The following RSPH10B variants were observed in gnomAD, a reference collection of about 807,000 sequenced individuals.
RSPH10B encodes radial spoke head 10 homolog B (Chlamydomonas).
A neutral mutation model predicts 52.5 loss-of-function variants in RSPH10B; 7 were observed. The observed-to-expected ratio is 0.13, with a 90% confidence interval of 0.08 to 0.25. The LOEUF (loss-of-function observed/expected upper bound fraction) is 0.25. Ranked by LOEUF, RSPH10B falls within the 10% of genes least tolerant of loss-of-function variation. The pLI is 1.00. For synonymous variants in RSPH10B, 28 were observed against 193.2 expected (o/e 0.14, Z 7.09); for missense variants, 89 against 542.5 (o/e 0.16, Z 8.30).
At chr7:5,943,635 C>A (rs893452282) in intron 12 of RSPH10B, among the ~76,000 whole-genome samples, 163 bp from the exon 15 acceptor site, 2 of 148,612 alleles carry the variant, frequency 1.3e-5, no homozygotes, top group Admixed American at 1.4e-4. Flanking sequence ...CCTCCGCCCC[C>A]CAGGCTCAAG....
At chr7:5,928,568 A>T (rs1779649082) in intron 17 of RSPH10B, among the ~76,000 whole-genome samples, 174 bp from the exon 20 acceptor site, 1 of 151,046 alleles carries the variant, frequency 6.6e-6, no homozygotes. Context: ...GCAGGGGCTC[A>T]GCAGACCCTG....
intron 13 of RSPH10B, among the ~76,000 whole-genome samples, chr7:5,941,560 T>C (rs148678938): frequency 1.5e-4 from 22 of 149,312 alleles, no homozygotes; most frequent in African/African-American, 4.4e-4. Context: ...CTTGCTAACA[T>C]AGTGAAACCC....
chr7:5,954,047 G>A (rs1780663636), intron 7 of RSPH10B, among the ~76,000 whole-genome samples: 1 of 64,470 alleles, frequency 1.6e-5, no homozygotes, highest in Non-Finnish European at 2.8e-5. Context: ...GTTTCACCAT[G>A]TTAGCCAGGA....
At chr7:5,956,619 T>G (rs1780735620) in intron 6 of RSPH10B, among the ~76,000 whole-genome samples, 1 of 149,560 alleles carries the variant, frequency 6.7e-6, no homozygotes, top group Admixed American at 6.8e-5. Context: ...TTACCCAGGC[T>G]AGAGTATGGC....
intron 3 of RSPH10B, among the ~76,000 whole-genome samples, chr7:5,963,902 C>CA (rs529339716): frequency 0.33 from 27,201 of 81,334 alleles, 1,367 homozygotes; most frequent in Middle Eastern, 0.42. Flanking sequence ...CCTGTCTCTA[C>CA]AAAAAAAAAA....
At chr7:5,941,608 G>A (rs150717320) in intron 13 of RSPH10B, among the ~76,000 whole-genome samples, 18,574 of 145,038 alleles carry the variant, frequency 0.13, 202 homozygotes, top group Admixed American at 0.2. Context: ...ACTTGGCATG[G>A]TCATGCACGC....
chr7:5,939,978 C>T (rs1439692966), intron 13 of RSPH10B, among the ~76,000 whole-genome samples: 25 of 110,812 alleles, frequency 2.3e-4, no homozygotes, highest in Non-Finnish European at 1.2e-4. Flanking sequence ...AGGCGGCTCA[C>T]GAGGTCAAGA....
At chr7:5,943,005 A>G (rs1329031316) in intron 13 of RSPH10B, among the ~76,000 whole-genome samples, 1 of 148,108 alleles carries the variant, frequency 6.8e-6, no homozygotes, top group Non-Finnish European at 1.5e-5. Flanking sequence ...ACCTCAGGTG[A>G]TCCGCCCACC....
intron 13 of RSPH10B, among the ~76,000 whole-genome samples, chr7:5,940,283 G>A (rs1435991984): frequency 3.3e-5 from 1 of 30,014 alleles, no homozygotes; most frequent in Non-Finnish European, 7.9e-5. Flanking sequence ...CACTCATACC[G>A]ACCAGCCTGG....
Position 5,939,974 on chromosome 7 carries a change from C to T in RSPH10B, c.1759-1145G>A, listed in dbSNP as rs1476310914. On this transcript the variant is annotated intron_variant, in intron 13 of 18. Coordinates refer to ENST00000337579, the Ensembl canonical transcript of RSPH10B. ...CACTTTGGGAGGCCGAGGCAGGCGGCTCACGAGGTCAAGAGATCCAGACCA... is the reference window on the plus strand; with the variant it reads ...CACTTTGGGAGGCCGAGGCAGGCGGTTCACGAGGTCAAGAGATCCAGACCA... Among the ~76,000 whole-genome samples the T allele has an allele frequency of 3.7e-5, 4 of 109,508 alleles. No homozygotes were observed. The East Asian group carries it at 8.7e-4, about 24-fold the overall frequency. The allele number at this position is 109,508 out of a possible 152,430, so 71.8% of individuals were successfully genotyped here. A position where few individuals can be genotyped will look rare whatever the true frequency, so the allele number is the denominator to read the frequency against.
At chr7:5,947,958 G>A (rs1447117885) in intron 10 of RSPH10B, among the ~76,000 whole-genome samples, 4 of 53,328 alleles carry the variant, frequency 7.5e-5, no homozygotes, top group Non-Finnish European at 1.2e-4. Context: ...TGCAACCTCC[G>A]CCTCCTGGGT....
rs144240667 is a variant in RSPH10B at position 5,958,992 on chromosome 7, C to T, written c.659+1G>A. 1.2e-4 allele frequency: 161 copies of T among 1,326,832 alleles called. 42 individuals carry two copies. The highest frequency in any genetic ancestry group is 1.6e-4 in the Non-Finnish European group (152 of 936,448). The allele number at this position is 1,326,832 out of a possible 1,614,324, so 82.2% of individuals were successfully genotyped here. ...CCAAGCGCGGCGGTGGTCATACCTA[C>T]CATCTTATTCCCCAGCCCTTTTTGA... On this transcript the variant is annotated splice_donor_variant, in intron 5 of 18. Transcript: ENST00000337579. LOFTEE classifies it high-confidence loss of function.
intron 17 of RSPH10B, among the ~76,000 whole-genome samples, chr7:5,928,841 G>C (rs796106537): frequency 3.3e-5 from 5 of 149,458 alleles, no homozygotes; most frequent in African/African-American, 1.2e-4. Context: ...GGCCAGGCTG[G>C]TCTCGAACTC....
rs1181753749 is a variant in RSPH10B, at chr7:5,960,462, G to A, written c.573+229C>T. 9.0e-5 allele frequency among the ~76,000 whole-genome samples: 5 copies of A among 55,354 alleles called. 1 individual carries two copies. The highest frequency in any genetic ancestry group is 9.8e-4 in the South Asian group (2 of 2,046). The allele number at this position is 55,354 out of a possible 152,430, so 36.3% of individuals were successfully genotyped here. ...GGTTAATTTATGTGATGTGAATTTC[G>A]CCTCAATAAACAAAAAGTGAATATG... On this transcript the variant is annotated intron_variant, in intron 4 of 18. Coordinates refer to ENST00000337579, the Ensembl canonical transcript of RSPH10B.
At chr7:5,929,289 C>T (rs1779693934) in intron 17 of RSPH10B, among the ~76,000 whole-genome samples, 1 of 140,780 alleles carries the variant, frequency 7.1e-6, no homozygotes, top group Non-Finnish European at 1.5e-5. Context: ...AAATGATCCT[C>T]CCACCTCAGC....
intron 17 of RSPH10B, among the ~76,000 whole-genome samples, chr7:5,928,619 C>T (rs1226406764): frequency 1.4e-5 from 2 of 143,704 alleles, no homozygotes; most frequent in Admixed American, 7.0e-5. Flanking sequence ...CCTGCTACCT[C>T]GTTTTTTCTT....
chr7:5,954,178 A>G lies in RSPH10B; in HGVS notation c.958-959T>C, dbSNP rs1238325206. 3.1e-4 allele frequency among the ~76,000 whole-genome samples: 33 copies of G among 107,590 alleles called. 1 individual carries two copies. Among genetic ancestry groups the G allele is most frequent in the Admixed American group, 6.2e-4 (6 of 9,622 alleles). 70.6% of individuals were successfully genotyped at this position (107,590 alleles called of 152,430 possible). A position where few individuals can be genotyped will look rare whatever the true frequency, so the allele number is the denominator to read the frequency against. On this transcript the variant is annotated intron_variant, in intron 7 of 18. Transcript: ENST00000337579. ...TTTTTTGAGGTGGAGCCTCGCTGTC[A>G]CTCAGGCTGGAGTGCAGTAGCACAG...
intron 18 of RSPH10B, among the ~76,000 whole-genome samples, chr7:5,927,022 CGTGTGT>C (rs373901374): frequency 0.012 from 1,174 of 95,602 alleles, 1 homozygote; most frequent in Non-Finnish European, 0.013. Context: ...CCCAAAGTTA[CGTGTGT>C]GTGTGTGTGT....
intron 3 of RSPH10B, among the ~76,000 whole-genome samples, chr7:5,964,063 G>C (rs1781013475): frequency 6.7e-6 from 1 of 149,460 alleles, no homozygotes; most frequent in South Asian, 2.1e-4. Context: ...CTGGGTGACA[G>C]AGCAAGACCC....
Sources: allele counts gnomAD v4.1 joint callset (sites outside exome capture counted in the v4.1 genomes callset), GRCh38; gene constraint gnomAD v4.1.1; transcripts MANE v1.5; gene names NCBI Gene and HGNC (gene_info 2026-07-23, HGNC 2026-07-21).